Variants in FHIT observed in about 807,000 individuals in gnomAD.
FHIT encodes the protein bis(5'-adenosyl)-triphosphatase.
Under a neutral mutation model 17.9 loss-of-function variants are expected in FHIT, and 19 were observed. The observed-to-expected ratio is 1.06, with a 90% CI of 0.74 to 1.56. FHIT has a LOEUF of 1.56. Among genes scored for constraint, FHIT ranks in the 40% most tolerant of loss-of-function variants. The pLI is 0.00. For missense variants in FHIT, 248 were observed against 189.2 expected (o/e 1.31, Z -1.82); for synonymous variants, 81 against 69.7 (o/e 1.16, Z -0.81).
At chr3:60,024,002 AG>A (rs1353012924) in intron 5 of FHIT, among the ~76,000 whole-genome samples, 12 of 145,286 alleles carry the variant, frequency 8.3e-5, no homozygotes, top group African/African-American at 3.4e-4. Context: ...AAAAAAAAAA[AG>A]AATTATGAAT....
At chr3:60,621,152 T>TGA (rs1262678967) in intron 4 of FHIT, among the ~76,000 whole-genome samples, 36 of 143,990 alleles carry the variant, frequency 2.5e-4, no homozygotes, top group Middle Eastern at 3.5e-3. Context: ...TGATTTTTTT[T>TGA]TTTTTTTTTT....
chr3:60,208,168 C>A lies in FHIT; in HGVS notation c.104-194016G>T, dbSNP rs967395038. ...TTTTTCTGTGTACAAGAACTGCTGA[C>A]AAAGGCAAGCGTGATATGTCATACT... is the stretch of plus-strand genomic sequence containing the variant. On this transcript the variant is annotated intron_variant, in intron 5 of 9. Coordinates refer to ENST00000492590, the MANE Select transcript of FHIT (RefSeq NM_002012.4). Among the ~76,000 whole-genome samples the A allele has an allele frequency of 2.2e-4, 34 of 152,278 alleles. 2 individuals are homozygous for A. The highest frequency in any genetic ancestry group is 4.4e-5 in the Non-Finnish European group (3 of 68,012).
intron 5 of FHIT, among the ~76,000 whole-genome samples, chr3:60,264,159 G>C (rs1269842626): frequency 6.6e-6 from 1 of 151,930 alleles, no homozygotes; most frequent in African/African-American, 2.4e-5. Flanking sequence ...TCTCCATTCA[G>C]CCTTGCTTTT....
chr3:60,514,921 A>G (rs1475738796), intron 5 of FHIT, among the ~76,000 whole-genome samples: 1 of 151,952 alleles, frequency 6.6e-6, no homozygotes. Flanking sequence ...TCTCACTCAG[A>G]GGAGTCCCTG....
At chr3:60,297,974 T>C (rs992331764) in intron 5 of FHIT, among the ~76,000 whole-genome samples, 1 of 152,010 alleles carries the variant, frequency 6.6e-6, no homozygotes, top group Non-Finnish European at 1.5e-5. Context: ...GTTCAAGAAA[T>C]TTGGTAGAGT....
At chr3:61,185,290 C>T (rs2038472442) in intron 2 of FHIT, among the ~76,000 whole-genome samples, 1 of 152,146 alleles carries the variant, frequency 6.6e-6, no homozygotes, top group African/African-American at 2.4e-5. Context: ...AAAGAAGCTT[C>T]CCAGAACCCT....
intron 3 of FHIT, among the ~76,000 whole-genome samples, chr3:61,005,937 C>G (rs1006055956): frequency 1.3e-5 from 2 of 150,578 alleles, no homozygotes; most frequent in African/African-American, 2.4e-5. Flanking sequence ...TGTCCTCACC[C>G]ACTCCACTCA....
intron 5 of FHIT, among the ~76,000 whole-genome samples, chr3:60,095,225 C>T (rs894447315): frequency 6.6e-6 from 1 of 152,154 alleles, no homozygotes; most frequent in South Asian, 2.1e-4. Flanking sequence ...GGCAAAACTT[C>T]TAGGATTCTA....
intron 5 of FHIT, among the ~76,000 whole-genome samples, chr3:60,019,825 G>C (rs1575901901): frequency 6.6e-6 from 1 of 152,234 alleles, no homozygotes. Flanking sequence ...TAGGAGCACA[G>C]TTGGGATTGG....
chr3:60,343,409 C>A (rs1710622999), intron 5 of FHIT, among the ~76,000 whole-genome samples: 1 of 152,034 alleles, frequency 6.6e-6, no homozygotes, highest in South Asian at 2.1e-4. Context: ...AGGAAGAGGT[C>A]CAGCTATTTA....
At chr3:60,683,531 AT>A (rs11439537) in intron 4 of FHIT, among the ~76,000 whole-genome samples, 3 of 151,770 alleles carry the variant, frequency 2.0e-5, no homozygotes, top group African/African-American at 7.3e-5. Flanking sequence ...AAGATAACAT[AT>A]TTTTTTATAA....
chr3:60,913,006 T>C lies in FHIT; in HGVS notation c.-110-90995A>G, dbSNP rs183523666. 1.1e-3 allele frequency among the ~76,000 whole-genome samples: 165 copies of C among 152,298 alleles called. 1 individual carries two copies. Among genetic ancestry groups the C allele is most frequent in the Non-Finnish European group, 8.5e-4 (58 of 68,028 alleles). On this transcript the variant is annotated intron_variant, in intron 3 of 9. Coordinates refer to ENST00000492590, the MANE Select transcript of FHIT (RefSeq NM_002012.4). ...ACCTAGGAGGGTAGAGGGAAATAGA[T>C]TTAGTACAAAGAGCTTAGTGCAGAG... is the stretch of plus-strand genomic sequence containing the variant.
At chr3:60,528,264 C>A (rs183797508) in intron 5 of FHIT, among the ~76,000 whole-genome samples, 15 of 152,142 alleles carry the variant, frequency 9.9e-5, no homozygotes, top group Admixed American at 6.5e-4. Context: ...CACCACTGTG[C>A]CTGTGTGAAA....
chr3:60,117,345 C>T lies in FHIT; in HGVS notation c.104-103193G>A, dbSNP rs1705011802. ...AAAGAAAATATGGAAGTTCAAATTG[C>T]CTTTTCCCATTTGAAATTTAGAATA... On this transcript the variant is annotated intron_variant, in intron 5 of 9. Coordinates refer to ENST00000492590, the MANE Select transcript of FHIT (RefSeq NM_002012.4). Among the ~76,000 whole-genome samples, 4 of 151,934 alleles carry T rather than the reference C, an allele frequency of 2.6e-5. No individual in the cohort carries two copies. The South Asian group carries it at 8.3e-4, about 32-fold the overall frequency.
At chr3:60,130,784 G>GTGTGTGTATACACACATATGTGTGTGTGT (rs148356992) in intron 5 of FHIT, among the ~76,000 whole-genome samples, 10 of 111,628 alleles carry the variant, frequency 9.0e-5, no homozygotes, top group African/African-American at 2.7e-4. Flanking sequence ...GTGTGTGTGT[G>GTGTGTGTATACACACATATGTGTGTGTGT]GTGTGTATAT....
intron 8 of FHIT, among the ~76,000 whole-genome samples, chr3:59,916,155 T>A (rs1199667031): frequency 6.6e-6 from 1 of 152,184 alleles, no homozygotes; most frequent in Non-Finnish European, 1.5e-5. Flanking sequence ...GCCGTCAGCA[T>A]GGCTAGAATA....
chr3:60,509,636 G>A (rs1172583603), intron 5 of FHIT, among the ~76,000 whole-genome samples: 2 of 151,914 alleles, frequency 1.3e-5, no homozygotes, highest in African/African-American at 2.4e-5. Context: ...ATTCGCAAGT[G>A]ACAGATGACT....
At chr3:60,865,518 GACTT>G (rs1704115781) in intron 3 of FHIT, among the ~76,000 whole-genome samples, 1 of 152,058 alleles carries the variant, frequency 6.6e-6, no homozygotes, top group Admixed American at 6.6e-5. Flanking sequence ...ATTAAATTCA[GACTT>G]ACTTATAAGA....
rs371529779 is a variant in FHIT, at chr3:61,158,130, C to T, written c.-164+42487G>A. Among the ~76,000 whole-genome samples, 4 of 151,980 alleles carry T rather than the reference C, an allele frequency of 2.6e-5. No individual in the cohort carries two copies. In the East Asian group the frequency reaches 5.8e-4, roughly 22 times the overall value. On this transcript the variant is annotated intron_variant, in intron 2 of 9. Transcript: ENST00000492590. ...ACAATAATCATTCATATTTACGTTT[C>T]CTTCTCAGCCATACATTTTCTTTTC...
Sources: gnomAD v4.1 joint callset for allele counts (sites outside exome capture counted in the v4.1 genomes callset) on GRCh38, gnomAD v4.1.1 for gene constraint, MANE v1.5 for transcripts, NCBI Gene and HGNC (gene_info 2026-07-23, HGNC 2026-07-21) for gene names.